The following MYOCOS variants were observed in gnomAD, a reference collection of about 807,000 sequenced individuals.
MYOCOS encodes myocilin opposite strand protein.
chr1:171,620,989 C>T (rs928099210), upstream of MYOCOS, among the ~76,000 whole-genome samples: 1 of 151,874 alleles, frequency 6.6e-6, no homozygotes. Context: ...AGGATGGTCT[C>T]GATCTCCTGA....
intron 1 of MYOCOS, among the ~76,000 whole-genome samples, chr1:171,611,275 G>A (rs1340714695): frequency 1.3e-5 from 2 of 152,152 alleles, no homozygotes; most frequent in African/African-American, 4.8e-5. Context: ...TCAGGGAGAG[G>A]TGCTGGTGCA....
At chr1:171,624,485 C>T (rs1271195313) in intron 2 of MYOCOS, among the ~76,000 whole-genome samples, 2 of 149,222 alleles carry the variant, frequency 1.3e-5, no homozygotes, top group Non-Finnish European at 2.9e-5. Context: ...CTCTCTCTGT[C>T]GCCCAGGCTG....
upstream of MYOCOS, among the ~76,000 whole-genome samples, chr1:171,620,776 T>TC (rs1553253952): frequency 8.2e-5 from 12 of 147,046 alleles, no homozygotes; most frequent in African/African-American, 2.0e-4. Context: ...TTTCTTTCTT[T>TC]TTTTTTTTTT....
intron 1 of MYOCOS, among the ~76,000 whole-genome samples, chr1:171,603,158 C>G (rs577026865): frequency 6.6e-6 from 1 of 152,232 alleles, no homozygotes; most frequent in Admixed American, 6.5e-5. Flanking sequence ...CGTCTCCCAA[C>G]ACTAAGTTCA....
intron 1 of MYOCOS, among the ~76,000 whole-genome samples, chr1:171,602,054 A>G (rs558728611): frequency 6.6e-6 from 1 of 152,096 alleles, no homozygotes; most frequent in African/African-American, 2.4e-5. Context: ...AAAAAAAAAA[A>G]GGAATAGTTA....
chr1:171,617,962 C>G (rs962141877), upstream of MYOCOS, among the ~76,000 whole-genome samples: 1 of 152,108 alleles, frequency 6.6e-6, no homozygotes, highest in African/African-American at 2.4e-5. Flanking sequence ...GGCACAAAGG[C>G]TGGAAGGTGG....
upstream of MYOCOS, among the ~76,000 whole-genome samples, chr1:171,620,068 CATATAT>C (rs139274519): frequency 1.4e-5 from 2 of 142,550 alleles, no homozygotes; most frequent in Non-Finnish European, 1.5e-5. Context: ...CTCCCCTTTA[CATATAT>C]ATATATATAT....
chr1:171,606,858 C>T (rs908916026), intron 1 of MYOCOS, among the ~76,000 whole-genome samples: 4 of 151,976 alleles, frequency 2.6e-5, no homozygotes, highest in African/African-American at 4.8e-5. Flanking sequence ...TTTTGGGAGG[C>T]GAAGGCGGGT....
intron 1 of MYOCOS, among the ~76,000 whole-genome samples, chr1:171,603,672 C>G (rs1652187757): frequency 1.3e-5 from 2 of 152,210 alleles, no homozygotes. Context: ...GCTACCTGAC[C>G]TGAAAAAACT....
At chr1:171,609,522 C>T (rs967950789) in intron 1 of MYOCOS, among the ~76,000 whole-genome samples, 1 of 152,180 alleles carries the variant, frequency 6.6e-6, no homozygotes, top group Non-Finnish European at 1.5e-5. Flanking sequence ...AACACAAATC[C>T]CCCAAGTGGG....
chr1:171,620,374 CA>C (rs1215863277), upstream of MYOCOS, among the ~76,000 whole-genome samples: 1 of 152,028 alleles, frequency 6.6e-6, no homozygotes, highest in Non-Finnish European at 1.5e-5. Context: ...TATTTTACCC[CA>C]AAACATGTTT....
intron 1 of MYOCOS, among the ~76,000 whole-genome samples, chr1:171,609,672 GTGTT>G (rs1397217703): frequency 1.3e-5 from 2 of 152,146 alleles, no homozygotes; most frequent in African/African-American, 4.8e-5. Context: ...TTTTGTGTCT[GTGTT>G]TGTTTGTAGA....
upstream of MYOCOS, among the ~76,000 whole-genome samples, chr1:171,621,419 A>T (rs1447376387): frequency 8.1e-6 from 1 of 122,980 alleles, no homozygotes; most frequent in Non-Finnish European, 1.6e-5. Flanking sequence ...TCTGTCAACC[A>T]GGCTAGAGTG....
intron 1 of MYOCOS, among the ~76,000 whole-genome samples, chr1:171,608,408 CTTTTT>C (rs34773729): frequency 1.9e-5 from 1 of 51,362 alleles, no homozygotes; most frequent in Admixed American, 2.9e-4. Flanking sequence ...GGGAACCAGA[CTTTTT>C]TTTTTTTTTT....
chr1:171,603,895 C>A (rs1220487785), intron 1 of MYOCOS, among the ~76,000 whole-genome samples: 5 of 152,108 alleles, frequency 3.3e-5, no homozygotes, highest in Admixed American at 6.6e-5. Context: ...AACATAAAGT[C>A]CCCCCATGCT....
intron 1 of MYOCOS, among the ~76,000 whole-genome samples, chr1:171,622,659 G>A (rs569643092): frequency 1.3e-5 from 2 of 148,908 alleles, no homozygotes; most frequent in Non-Finnish European, 3.0e-5. Flanking sequence ...GGCGAGCTCT[G>A]GCTGTTGCAA....
intron 1 of MYOCOS, among the ~76,000 whole-genome samples, chr1:171,602,259 C>G (rs976879616): frequency 2.6e-5 from 4 of 151,676 alleles, no homozygotes; most frequent in African/African-American, 9.7e-5. Flanking sequence ...AAAAATTATG[C>G]AAAAAATGTT....
intron 2 of MYOCOS, among the ~76,000 whole-genome samples, chr1:171,616,627 A>G (rs1477608980): frequency 2.0e-5 from 3 of 152,206 alleles, no homozygotes; most frequent in African/African-American, 7.2e-5. Flanking sequence ...TCAGGAGTTC[A>G]GTCTTGGACA....
intron 2 of MYOCOS, among the ~76,000 whole-genome samples, chr1:171,615,889 G>T (rs1652439228): frequency 1.3e-5 from 2 of 152,254 alleles, no homozygotes; most frequent in Admixed American, 1.3e-4. Context: ...TTTGTCTGTG[G>T]CTCGTCCTGC....
Sources: allele counts gnomAD v4.1 joint callset (sites outside exome capture counted in the v4.1 genomes callset), GRCh38; gene constraint gnomAD v4.1.1; transcripts MANE v1.5; gene names NCBI Gene and HGNC (gene_info 2026-07-23, HGNC 2026-07-21).